GATAD2B: variants seen among roughly 807,000 people sequenced by gnomAD.
GATAD2B encodes the protein GATA zinc finger domain containing 2B.
A neutral mutation model predicts 64.3 loss-of-function variants in GATAD2B; 8 were observed. The observed-to-expected ratio is 0.12, with a 90% CI of 0.07 to 0.22. GATAD2B has a LOEUF of 0.22. Among genes scored for constraint, GATAD2B ranks in the 10% least tolerant of loss-of-function variants. The pLI is 1.00. For synonymous variants in GATAD2B, 281 were observed against 271.3 expected, an observed-to-expected ratio of 1.04 and a Z score of -0.35; for missense variants, 453 against 752.0, an observed-to-expected ratio of 0.60 and a Z score of 4.65.
intron 1 of GATAD2B, among the ~76,000 whole-genome samples, chr1:153,893,897 G>A (rs914457532): frequency 2.1e-5 from 3 of 145,552 alleles, no homozygotes; most frequent in African/African-American, 7.6e-5. Flanking sequence ...GGCGGGGGCT[G>A]CAGTGAGCCG....
At chr1:153,860,176 A>G (rs1453490334) in intron 1 of GATAD2B, among the ~76,000 whole-genome samples, 1 of 151,866 alleles carries the variant, frequency 6.6e-6, no homozygotes, top group East Asian at 1.9e-4. Flanking sequence ...TGGCCTCCCA[A>G]AGTGCTGGGA....
chr1:153,817,187 T>A (rs1371968070), intron 6 of GATAD2B, among the ~76,000 whole-genome samples, 185 bp downstream of exon 6: 4 of 152,252 alleles, frequency 2.6e-5, no homozygotes, highest in Non-Finnish European at 4.4e-5. Flanking sequence ...CCTCCACTAC[T>A]ATTTTAATAT....
chr1:153,917,474 A>G (rs1158512709), intron 1 of GATAD2B, among the ~76,000 whole-genome samples: 1 of 150,406 alleles, frequency 6.6e-6, no homozygotes, highest in Non-Finnish European at 1.5e-5. Flanking sequence ...GACTCACTGC[A>G]ACCTCCACCT....
chr1:153,867,753 A>C (rs1331453661), intron 1 of GATAD2B, among the ~76,000 whole-genome samples: 1 of 151,922 alleles, frequency 6.6e-6, no homozygotes, highest in Non-Finnish European at 1.5e-5. Flanking sequence ...TTAACTACTC[A>C]GGAGGCTGAG....
rs553518930 is a variant in GATAD2B at position 153,862,275 on chromosome 1, G to A, written c.-1-33927C>T. 5.9e-5 allele frequency among the ~76,000 whole-genome samples: 9 copies of A among 151,264 alleles called. No homozygotes were observed. In the South Asian group the frequency reaches 1.3e-3, roughly 21 times the overall value. On this transcript the variant is annotated intron_variant, in intron 1 of 10. Transcript: ENST00000368655. ...GTACCTGACGTTACAGGCTCATGCC[G>A]TCACACCCAGCTAATTTTTTTATTT...
At chr1:153,857,323 G>A (rs1203151937) in intron 1 of GATAD2B, among the ~76,000 whole-genome samples, 1 of 151,924 alleles carries the variant, frequency 6.6e-6, no homozygotes, top group African/African-American at 2.4e-5. Flanking sequence ...GTGCGCACTT[G>A]GAGTCCCAGC....
rs941317761 is a variant in GATAD2B at position 153,841,124 on chromosome 1, C to CAA, written c.-1-12778_-1-12777dup. Among the ~76,000 whole-genome samples the CAA allele has an allele frequency of 8.8e-4, 68 of 77,374 alleles. 1 individual carries two copies. The highest frequency in any genetic ancestry group is 3.0e-3 in the African/African-American group (55 of 18,244). 50.8% of individuals were successfully genotyped at this position (77,374 alleles called of 152,430 possible). The stretch of plus-strand genomic sequence containing the variant: ...TGGGTGACAGAGGAAGACTCCGTCT[C>CAA]AAAAAAAAAAAAAAAAAGAAAAAAA... On this transcript the variant is annotated intron_variant, in intron 1 of 10. Transcript: ENST00000368655.
At chr1:153,873,248 TA>T (rs1240678749) in intron 1 of GATAD2B, among the ~76,000 whole-genome samples, 1 of 152,236 alleles carries the variant, frequency 6.6e-6, no homozygotes, top group African/African-American at 2.4e-5. Flanking sequence ...ACTTGTTTAA[TA>T]GGTAACCTAC....
At chr1:153,900,679 G>A (rs991561975) in intron 1 of GATAD2B, among the ~76,000 whole-genome samples, 15 of 152,094 alleles carry the variant, frequency 9.9e-5, no homozygotes, top group African/African-American at 3.1e-4. Context: ...CATCAAGCCA[G>A]GCCCAGCAAG....
intron 1 of GATAD2B, among the ~76,000 whole-genome samples, chr1:153,889,303 T>C (rs903397419): frequency 6.7e-6 from 1 of 149,650 alleles, no homozygotes; most frequent in Admixed American, 6.8e-5. Context: ...TCCCAGCTAC[T>C]CGGTGGGCTG....
chr1:153,909,413 T>C (rs1678049583), intron 1 of GATAD2B, among the ~76,000 whole-genome samples: 1 of 151,470 alleles, frequency 6.6e-6, no homozygotes, highest in African/African-American at 2.4e-5. Flanking sequence ...GGGGTTTCAC[T>C]GTGGTCTCGA....
chr1:153,861,809 T>TATATATATATATATATATATACACAC (rs1294838675), intron 1 of GATAD2B, among the ~76,000 whole-genome samples: 40 of 122,080 alleles, frequency 3.3e-4, no homozygotes, highest in African/African-American at 1.2e-3. Flanking sequence ...TATATATATA[T>TATATATATATATATATATATACACAC]ACACATATGT....
At chr1:153,887,925 A>C (rs966235256) in intron 1 of GATAD2B, among the ~76,000 whole-genome samples, 1 of 151,996 alleles carries the variant, frequency 6.6e-6, no homozygotes, top group Non-Finnish European at 1.5e-5. Context: ...TGTCTCTACT[A>C]AAAATACAAA....
intron 1 of GATAD2B, among the ~76,000 whole-genome samples, chr1:153,858,231 T>G (rs571270922): frequency 1.3e-5 from 2 of 152,320 alleles, no homozygotes; most frequent in South Asian, 4.1e-4. Context: ...AGTCCATATT[T>G]ATAATAAAGA....
intron 1 of GATAD2B, among the ~76,000 whole-genome samples, chr1:153,902,561 T>C (rs1447499828): frequency 1.3e-5 from 2 of 152,072 alleles, no homozygotes; most frequent in Non-Finnish European, 1.5e-5. Flanking sequence ...CTCAAGGGAT[T>C]CTCTTACCTC....
intron 1 of GATAD2B, among the ~76,000 whole-genome samples, chr1:153,855,040 T>C (rs1412857140): frequency 6.6e-5 from 10 of 152,170 alleles, no homozygotes; most frequent in Admixed American, 5.2e-4. Flanking sequence ...TAATCTTTGA[T>C]TGAATCTTGG....
intron 1 of GATAD2B, among the ~76,000 whole-genome samples, chr1:153,867,843 G>C (rs926941731): frequency 4.6e-5 from 7 of 151,640 alleles, no homozygotes; most frequent in African/African-American, 1.7e-4. Context: ...CTTGGCGACA[G>C]AGTGAGACTC....
chr1:153,859,585 G>A (rs1347429669), intron 1 of GATAD2B, among the ~76,000 whole-genome samples: 1 of 150,734 alleles, frequency 6.6e-6, no homozygotes, highest in Non-Finnish European at 1.5e-5. Context: ...CAGGAGAATC[G>A]CTTGAACCCA....
chr1:153,907,900 G>A (rs1357228142), intron 1 of GATAD2B, among the ~76,000 whole-genome samples: 2 of 152,154 alleles, frequency 1.3e-5, no homozygotes, highest in African/African-American at 4.8e-5. Flanking sequence ...CGCCTCCTGG[G>A]TTCAAGCGAT....
Sources: gnomAD v4.1 joint callset for allele counts (sites outside exome capture counted in the v4.1 genomes callset) on GRCh38, gnomAD v4.1.1 for gene constraint, MANE v1.5 for transcripts, NCBI Gene and HGNC (gene_info 2026-07-23, HGNC 2026-07-21) for gene names.